MTFR1: variants seen among roughly 807,000 people sequenced by gnomAD.
MTFR1 encodes the protein chondrocyte protein with a poly-proline region.
In MTFR1, 28 loss-of-function variants were observed where a neutral mutation model predicts 38.8. The ratio of observed to expected loss-of-function variants is 0.72; its 90% CI spans 0.53 to 0.99. The LOEUF is 0.99. Among genes scored for constraint, MTFR1 ranks in the 50% least tolerant of loss-of-function variants. The pLI, the probability that MTFR1 is intolerant of heterozygous loss-of-function variation, is 0.00. For missense variants in MTFR1, 358 were observed against 395.5 expected (o/e 0.91, Z 0.81); for synonymous variants, 145 against 137.0 (o/e 1.06, Z -0.41).
At chr8:65,766,326 A>C (rs1808782477) in intron 3 of MTFR1, among the ~76,000 whole-genome samples, 1 of 152,272 alleles carries the variant, frequency 6.6e-6, no homozygotes. Flanking sequence ...TCTTATTTCA[A>C]GAGACCAAGT....
chr8:65,661,349 C>T (rs66901832), intron 1 of MTFR1, among the ~76,000 whole-genome samples: 29,219 of 152,168 alleles, frequency 0.19, 2,964 homozygotes, highest in Middle Eastern at 0.23. Context: ...TACATTTAAA[C>T]TGCTCTAAAA....
At chr8:65,747,724 T>G in intron 3 of MTFR1, 1 of 1,611,366 alleles carries the variant, frequency 6.2e-7, no homozygotes, top group Non-Finnish European at 8.5e-7. Context: ...GAAAAAAGCG[T>G]GAAGATCTAA....
chr8:65,664,610 G>GTTT (rs766902728), intron 1 of MTFR1, among the ~76,000 whole-genome samples: 3 of 129,774 alleles, frequency 2.3e-5, no homozygotes, highest in African/African-American at 2.8e-5. Context: ...GTTTTCCTTT[G>GTTT]TTTTTTTTTT....
At position 65,668,671 on chromosome 8, in the gene MTFR1, G is replaced by A. The variant is rs531878431; in HGVS notation, c.-80-1202G>A. On this transcript the variant is annotated intron_variant, in intron 1 of 7. Coordinates refer to ENST00000262146, the MANE Select transcript of MTFR1 (RefSeq NM_014637.4). ...TGGGATTACAGGTTCCTGCTACCAC[G>A]CCCAGCTAACTTTTGTATTTTTATT... 2.7e-5 allele frequency among the ~76,000 whole-genome samples: 4 copies of A among 150,696 alleles called. No individual in the cohort carries two copies. In the South Asian group the frequency reaches 6.3e-4, roughly 24 times the overall value.
intron 2 of MTFR1, among the ~76,000 whole-genome samples, chr8:65,677,508 G>T (rs946828378): frequency 2.0e-5 from 3 of 149,332 alleles, no homozygotes; most frequent in Admixed American, 6.7e-5. Flanking sequence ...TTAGCCTCCT[G>T]AGTAGCTGGG....
chr8:65,662,840 C>T (rs1809480657), intron 1 of MTFR1, among the ~76,000 whole-genome samples: 1 of 151,666 alleles, frequency 6.6e-6, no homozygotes, highest in Admixed American at 6.6e-5. Context: ...GGCCATCCAC[C>T]TCGTCCGGAA....
intron 1 of MTFR1, among the ~76,000 whole-genome samples, chr8:65,646,780 C>G (rs375489030): frequency 2.0e-5 from 3 of 152,224 alleles, no homozygotes; most frequent in African/African-American, 7.2e-5. Flanking sequence ...GCCTCTACCA[C>G]TCCTTTAGCA....
At chr8:65,683,630 A>G (rs1804975808) in intron 3 of MTFR1, among the ~76,000 whole-genome samples, 1 of 152,250 alleles carries the variant, frequency 6.6e-6, no homozygotes, top group Non-Finnish European at 1.5e-5. Flanking sequence ...TCATTTAGAA[A>G]TTCAGAAGTG....
intron 3 of MTFR1, chr8:65,724,138 C>T: frequency 1.6e-6 from 1 of 613,254 alleles, no homozygotes. Flanking sequence ...TGAATTGTTA[C>T]TAAAAATGTC....
At chr8:65,719,587 A>T in intron 3 of MTFR1, 1 of 786,376 alleles carries the variant, frequency 1.3e-6, no homozygotes, top group South Asian at 1.6e-5. Flanking sequence ...CCTACATCCT[A>T]CTCCAGTATT....
intron 3 of MTFR1, among the ~76,000 whole-genome samples, chr8:65,731,107 C>T (rs184276955): frequency 1.4e-3 from 208 of 152,212 alleles, no homozygotes; most frequent in Non-Finnish European, 1.8e-3. Flanking sequence ...AAATTCCTGC[C>T]CTGGAGGCCT....
At chr8:65,650,687 A>T (rs1402144793) in intron 1 of MTFR1, among the ~76,000 whole-genome samples, 1 of 152,242 alleles carries the variant, frequency 6.6e-6, no homozygotes, top group Admixed American at 6.5e-5. Context: ...CATTTTCTTT[A>T]TCCATTTGTC....
In MTFR1 at chr8:65,707,885, C is replaced by T; in HGVS notation, c.807C>T (p.Asp269=). Residue 269 remains aspartate, a synonymous_variant, in exon 7 of 8, where the codon GAC becomes GAT. Coordinates refer to ENST00000262146, the MANE Select transcript of MTFR1 (RefSeq NM_014637.4). ...DVKPKPVDAT[D]PAALIAEALK... ...AGCCCAAGCCAGTGGATGCTACTGA[C>T]CCTGCTGCCCTCATAGCAGAGGCTC... is the stretch of plus-strand genomic sequence containing the variant. 4 of 1,614,180 alleles carry T rather than the reference C, an allele frequency of 2.5e-6. No individual in the cohort carries two copies. Among genetic ancestry groups the T allele is most frequent in the Non-Finnish European group, 3.4e-6 (4 of 1,180,020 alleles).
downstream of MTFR1, among the ~76,000 whole-genome samples, chr8:65,714,147 T>A (rs779497999): frequency 2.1e-4 from 32 of 151,184 alleles, no homozygotes; most frequent in Non-Finnish European, 2.8e-4. Context: ...CACCCAGACA[T>A]GTTGAGAACA....
At chr8:65,747,408 T>C (rs1266908007) in intron 3 of MTFR1, among the ~76,000 whole-genome samples, 1 of 152,224 alleles carries the variant, frequency 6.6e-6, no homozygotes, top group Non-Finnish European at 1.5e-5. Flanking sequence ...ATCTCCTTGT[T>C]ACGTAATGTT....
chr8:65,712,195 G>C (rs1367211277), downstream of MTFR1, among the ~76,000 whole-genome samples: 1 of 152,188 alleles, frequency 6.6e-6, no homozygotes, highest in Non-Finnish European at 1.5e-5. Flanking sequence ...TCATTTTAAG[G>C]GTGAAAAAGG....
intron 3 of MTFR1, chr8:65,734,905 GAA>G: frequency 6.5e-7 from 1 of 1,544,300 alleles, no homozygotes. Flanking sequence ...CTGCATCAAA[GAA>G]AGAGATCCCG....
intron 3 of MTFR1, among the ~76,000 whole-genome samples, chr8:65,752,603 A>G (rs1481091824): frequency 6.6e-6 from 1 of 152,174 alleles, no homozygotes; most frequent in Non-Finnish European, 1.5e-5. Flanking sequence ...TTAAAGGCCA[A>G]TTACTTTACT....
intron 1 of MTFR1, among the ~76,000 whole-genome samples, chr8:65,669,040 C>A (rs1462936085): frequency 6.6e-6 from 1 of 152,132 alleles, no homozygotes; most frequent in Non-Finnish European, 1.5e-5. Context: ...TTGGTTTTGG[C>A]CTTTCAGCAT....
Sources: allele counts gnomAD v4.1 joint callset (sites outside exome capture counted in the v4.1 genomes callset), GRCh38; gene constraint gnomAD v4.1.1; transcripts MANE v1.5; gene names NCBI Gene and HGNC (gene_info 2026-07-23, HGNC 2026-07-21).